The following ZMYM2 variants were observed in gnomAD, a reference collection of about 807,000 sequenced individuals.
ZMYM2 encodes zinc finger MYM-type containing 2, also known as zinc finger MYM-type protein 2.
In ZMYM2, 56 loss-of-function variants were observed where a neutral mutation model predicts 162.8. The observed-to-expected ratio is 0.34, with a 90% CI of 0.28 to 0.43. ZMYM2 has a LOEUF of 0.43. Among genes scored for constraint, ZMYM2 ranks in the 20% least tolerant of loss-of-function variants. The pLI is 1.00. For missense variants in ZMYM2, 1,275 were observed against 1,621.8 expected (o/e 0.79, Z 3.67); for synonymous variants, 510 against 541.6 (o/e 0.94, Z 0.81).
intron 3 of ZMYM2, among the ~76,000 whole-genome samples, chr13:20,001,394 GAAAAAA>G (rs61504250): frequency 9.2e-6 from 1 of 108,982 alleles, no homozygotes; most frequent in African/African-American, 4.3e-5. Context: ...TGTCTCAAAA[GAAAAAA>G]AAAAAAAAAA....
At chr13:20,052,473 T>C (rs1353210027) in intron 14 of ZMYM2, among the ~76,000 whole-genome samples, 162 bp downstream of exon 14, 1 of 152,048 alleles carries the variant, frequency 6.6e-6, no homozygotes, top group Non-Finnish European at 1.5e-5. Flanking sequence ...TACCAGAGAC[T>C]GTCATGCATG....
chr13:20,018,855 C>T (rs1246711942), intron 6 of ZMYM2, among the ~76,000 whole-genome samples: 3 of 152,030 alleles, frequency 2.0e-5, no homozygotes, highest in Middle Eastern at 3.4e-3. Flanking sequence ...CCAGGTGGGC[C>T]GATCACTTGA....
chr13:20,054,558 C>A (rs1416999895), intron 14 of ZMYM2, among the ~76,000 whole-genome samples: 1 of 152,184 alleles, frequency 6.6e-6, no homozygotes, highest in African/African-American at 2.4e-5. Flanking sequence ...CAGATGGTGG[C>A]TTTTGTCATT....
the ZMYM2 span, among the ~76,000 whole-genome samples, chr13:19,928,579 C>T: frequency 6.6e-6 from 1 of 152,038 alleles, no homozygotes; most frequent in Non-Finnish European, 1.5e-5. Flanking sequence ...GGTGGATCAC[C>T]TGGGGTCCCA....
the ZMYM2 span, among the ~76,000 whole-genome samples, chr13:19,892,261 A>T: frequency 2.6e-5 from 4 of 151,298 alleles, no homozygotes; most frequent in Non-Finnish European, 4.4e-5. Context: ...TGATTTATTT[A>T]TTTTTATTTA....
At chr13:20,065,010 TTTA>T (rs1239496737) in intron 19 of ZMYM2, among the ~76,000 whole-genome samples, 1 of 152,112 alleles carries the variant, frequency 6.6e-6, no homozygotes, top group African/African-American at 2.4e-5. Flanking sequence ...AAGTACACAG[TTTA>T]TTATTTCTGG....
chr13:20,046,307 G>GAGATTAA (rs1478233816), intron 12 of ZMYM2, among the ~76,000 whole-genome samples: 3 of 151,728 alleles, frequency 2.0e-5, no homozygotes, highest in Non-Finnish European at 4.4e-5. Context: ...TGCCCTTTGG[G>GAGATTAA]AGGCTGAGGT....
chr13:20,004,571 A>G (rs1950610703), intron 4 of ZMYM2, among the ~76,000 whole-genome samples: 2 of 152,160 alleles, frequency 1.3e-5, no homozygotes, highest in South Asian at 2.1e-4. Context: ...TCATTTTCTA[A>G]TATTTCTATT....
intron 2 of ZMYM2, among the ~76,000 whole-genome samples, chr13:19,988,737 G>A (rs1949376782): frequency 6.6e-6 from 1 of 152,078 alleles, no homozygotes; most frequent in African/African-American, 2.4e-5. Context: ...GAGCAAGATC[G>A]ATTGCGCCAC....
upstream of ZMYM2, among the ~76,000 whole-genome samples, chr13:19,957,607 C>A (rs574895868): frequency 6.6e-6 from 1 of 152,362 alleles, no homozygotes; most frequent in South Asian, 2.1e-4. Flanking sequence ...CCGGCGGCCG[C>A]AGCGAGTGCG....
At chr13:19,972,938 T>C (rs1266162901) in intron 2 of ZMYM2, among the ~76,000 whole-genome samples, 1 of 147,222 alleles carries the variant, frequency 6.8e-6, no homozygotes, top group African/African-American at 2.6e-5. Flanking sequence ...TATATATGTT[T>C]TTTTGTTTTT....
chr13:19,947,164 T>C, the ZMYM2 span, among the ~76,000 whole-genome samples: 1 of 151,798 alleles, frequency 6.6e-6, no homozygotes, highest in Non-Finnish European at 1.5e-5. Context: ...GCCTCCACGC[T>C]ATTCTCCTGC....
chr13:19,870,523 C>CTT, the ZMYM2 span, among the ~76,000 whole-genome samples: 1 of 126,300 alleles, frequency 7.9e-6, no homozygotes, highest in Non-Finnish European at 1.6e-5. Context: ...CCCTCTTTCT[C>CTT]TCTTTCTTTC....
intron 2 of ZMYM2, among the ~76,000 whole-genome samples, chr13:19,986,796 T>C (rs1328374571): frequency 1.3e-5 from 2 of 151,882 alleles, no homozygotes; most frequent in East Asian, 3.9e-4. Context: ...ATTATATCAA[T>C]TGCACAGATT....
At chr13:19,930,761 A>T in the ZMYM2 span, among the ~76,000 whole-genome samples, 2 of 150,844 alleles carry the variant, frequency 1.3e-5, no homozygotes, top group Non-Finnish European at 3.0e-5. Flanking sequence ...CTGGTCTCGA[A>T]CTCCTGACCT....
At chr13:20,041,708 T>C (rs930055266) in intron 12 of ZMYM2, among the ~76,000 whole-genome samples, 1 of 152,200 alleles carries the variant, frequency 6.6e-6, no homozygotes, top group African/African-American at 2.4e-5. Flanking sequence ...ATTTAGTGCT[T>C]CCTTCAAGAG....
chr13:19,982,047 TTTTAGGTGGAG>T (rs1295582039), intron 2 of ZMYM2, among the ~76,000 whole-genome samples: 1 of 152,144 alleles, frequency 6.6e-6, no homozygotes, highest in Non-Finnish European at 1.5e-5. Flanking sequence ...TGACTTGCAG[TTTTAGGTGGAG>T]GTTAGGTCTC....
the ZMYM2 span, among the ~76,000 whole-genome samples, chr13:19,930,005 T>A: frequency 2.0e-5 from 3 of 152,226 alleles, no homozygotes; most frequent in Admixed American, 2.0e-4. Flanking sequence ...ATGCCTGTAA[T>A]CATAGCACTT....
chr13:19,966,457 CTTT>C (rs71070277), intron 2 of ZMYM2, among the ~76,000 whole-genome samples: 2 of 141,368 alleles, frequency 1.4e-5, no homozygotes, highest in Non-Finnish European at 1.5e-5. Context: ...GTCTATAATT[CTTT>C]TTTTTTTTTT....
Sources: allele counts gnomAD v4.1 joint callset (sites outside exome capture counted in the v4.1 genomes callset), GRCh38; gene constraint gnomAD v4.1.1; transcripts MANE v1.5; gene names NCBI Gene and HGNC (gene_info 2026-07-23, HGNC 2026-07-21).